Variants in PROM2 observed in about 807,000 individuals in gnomAD.
The protein encoded by PROM2 is prominin-2.
A neutral mutation model predicts 110.2 loss-of-function variants in PROM2; 90 were observed. That is an observed-to-expected ratio of 0.82 (90% confidence interval 0.69 to 0.97). PROM2 has a LOEUF of 0.97. PROM2 is among the 50% of genes least tolerant of loss of function. PROM2 has a pLI of 0.00. For synonymous variants in PROM2, 470 were observed against 467.8 expected, an observed-to-expected ratio of 1.00 and a Z score of -0.06; for missense variants, 1,009 against 1,074.8, an observed-to-expected ratio of 0.94 and a Z score of 0.86.
At position 95,287,512 on chromosome 2, in the gene PROM2, C is replaced by G. The variant is rs374798011; in HGVS notation, c.2244+48C>G. The G allele has an allele frequency of 7.6e-4, 1,209 of 1,586,038 alleles. 1 individual carries two copies. The highest frequency in any genetic ancestry group is 9.6e-4 in the Non-Finnish European group (1,113 of 1,156,022). ...TGACTGATTCCCTGCTCCATCGGAC[C>G]AGCTGTTCACCCTGCTCTGCCCCGC... On this transcript the variant is annotated intron_variant, in intron 20 of 23. Coordinates refer to ENST00000317620, the MANE Select transcript of PROM2 (RefSeq NM_001165978.3).
intron 14 of PROM2, among the ~76,000 whole-genome samples, chr2:95,282,906 C>G (rs1463549249): frequency 6.6e-6 from 1 of 152,188 alleles, no homozygotes; most frequent in Non-Finnish European, 1.5e-5. Flanking sequence ...CCCACATCCC[C>G]TGGCCCTGGT....
intron 6 of PROM2, 126 bp from the exon 7 acceptor site, chr2:95,277,238 T>C (rs561569405): frequency 1.1e-5 from 13 of 1,218,340 alleles, no homozygotes; most frequent in African/African-American, 3.0e-5. Context: ...TGGGGCAGTT[T>C]CCACTGTAGG....
Position 95,288,576 on chromosome 2 carries a change from C to G in PROM2, c.2428C>G (p.Arg810Gly). 1 of 1,613,956 alleles carries G rather than the reference C, an allele frequency of 6.2e-7. No homozygotes were observed. The highest frequency in any genetic ancestry group is 8.5e-7 in the Non-Finnish European group (1 of 1,179,880). ...GACCTCCAAATACTTCCGTCCTATCCGGAAACGCCTCAGGTGAGGGGCTGC... is the reference window on the plus strand; with the variant it reads ...GACCTCCAAATACTTCCGTCCTATCGGGAAACGCCTCAGGTGAGGGGCTGC... Reference protein sequence around the residue: ...VKTSKYFRPIRKRLSSTSSEE... With the variant: ...VKTSKYFRPIGKRLSSTSSEE... The change falls in exon 22 of 24, where the codon CGG (arginine) becomes GGG (glycine). Residue 810 changes from arginine (R) to glycine (G), a missense_variant. Arg to Gly is a moderately radical substitution (Grantham distance 125). Coordinates refer to ENST00000317620, the MANE Select transcript of PROM2 (RefSeq NM_001165978.3).
rs1309379579 is a variant in PROM2 at position 95,279,143 on chromosome 2, A to G, written c.1273A>G (p.Arg425Gly). 2 of 710,040 alleles carry G rather than the reference A, an allele frequency of 2.8e-6. No individual in the cohort carries two copies. The highest frequency in any genetic ancestry group is 4.4e-5 in the African/African-American group (1 of 22,622). 44.0% of individuals were successfully genotyped at this position (710,040 alleles called of 1,614,324 possible). Residue 425 changes from arginine to glycine, a missense_variant and splice_region_variant, in exon 10 of 24, where the codon AGG becomes GGG. Transcript: ENST00000317620. ...GGAGGTGCAGAGATACGAGACCTAC[A>G]GGTGCTGGGCACCGCAGGGTGGGAT... ...LQEVQRYETY[R>G]WIVGCVLCSV...
At chr2:95,279,715 G>C in intron 10 of PROM2, 130 bp from the exon 11 acceptor site, 1 of 668,334 alleles carries the variant, frequency 1.5e-6, no homozygotes, top group Non-Finnish European at 2.2e-6. Context: ...CTCAGGAAGA[G>C]TCTGTATCTG....
At chr2:95,287,082 G>T (rs1309429284) in intron 18 of PROM2, 51 bp from the exon 19 acceptor site, 2 of 1,522,244 alleles carry the variant, frequency 1.3e-6, no homozygotes, top group Non-Finnish European at 9.1e-7. Flanking sequence ...TTGAATTAAT[G>T]AATGGATGCG....
At chr2:95,279,360 G>A (rs1253612753) in intron 10 of PROM2, among the ~76,000 whole-genome samples, 8 of 151,252 alleles carry the variant, frequency 5.3e-5, no homozygotes, top group African/African-American at 1.2e-4. Flanking sequence ...GCAGTGGGGC[G>A]ATCTTGGGTC....
chr2:95,282,091 C>A, intron 13 of PROM2, 51 bp from the exon 14 acceptor site: 1 of 1,598,456 alleles, frequency 6.3e-7, no homozygotes, highest in African/African-American at 1.3e-5. Flanking sequence ...GGGACATCAG[C>A]CCCCCCGCCA....
intron 23 of PROM2, 80 bp downstream of exon 23, chr2:95,289,086 T>G: frequency 8.4e-7 from 1 of 1,191,192 alleles, no homozygotes; most frequent in East Asian, 2.4e-5. Context: ...GGTCTGGGGT[T>G]TCCAGGGCCT....
Position 95,275,458 on chromosome 2 carries a change from T to C in PROM2, c.245-3T>C. The C allele has an allele frequency of 6.2e-7, 1 of 1,612,020 alleles. No individual in the cohort carries two copies. The highest frequency in any genetic ancestry group is 8.5e-7 in the Non-Finnish European group (1 of 1,178,908). ...AAATCCTCAGCTTGGCTCTTTCCCA[T>C]AGAGTTGGTAAAGGCCCTACTGAAT... On this transcript the variant is annotated splice_region_variant and splice_polypyrimidine_tract_variant and intron_variant, in intron 1 of 23. Coordinates refer to ENST00000317620, the MANE Select transcript of PROM2 (RefSeq NM_001165978.3). The surrounding 1 kb of genome is among the most constrained non-coding windows in gnomAD (Gnocchi z 4.4).
intron 7 of PROM2, 141 bp downstream of exon 7, chr2:95,277,707 GCA>G: frequency 1.1e-6 from 1 of 915,256 alleles, no homozygotes; most frequent in Non-Finnish European, 1.6e-6. Flanking sequence ...GGTCATCCTG[GCA>G]GTGGGTGGAG....
chr2:95,281,309 G>A lies in PROM2; in HGVS notation c.1495G>A (p.Gly499Ser). Residue 499 changes from glycine (G) to serine (S), a missense_variant, in exon 12 of 24, where the codon GGT becomes AGT. By Grantham distance (56) the Gly-to-Ser change is moderately conservative. Coordinates refer to ENST00000317620, the MANE Select transcript of PROM2 (RefSeq NM_001165978.3). ...CCTGGTGTTCGCCACCTTCCTGGTG[G>A]GTGGCAACGTGCAGACGCTGGTGTG... ...ILLVFATFLV[G>S]GNVQTLVCQS... 1 of 1,613,356 alleles carries A rather than the reference G, an allele frequency of 6.2e-7. No individual in the cohort carries two copies.
Position 95,275,832 on chromosome 2 carries a change from G to T in PROM2, c.295-98G>T. On this transcript the variant is annotated intron_variant, in intron 2 of 23. Transcript: ENST00000317620. This position sits in a 1 kb window ranked among gnomAD's most constrained non-coding sequence, Gnocchi z 4.4. Reference sequence around the variant, plus strand: ...ATGAGATGCAGGCCATGCCCCTGACGGCACTCCCGCCCCTTCTGGTTTCCC... The same window carrying T: ...ATGAGATGCAGGCCATGCCCCTGACTGCACTCCCGCCCCTTCTGGTTTCCC... 2.0e-6 allele frequency: 3 copies of T among 1,528,364 alleles called. No individual in the cohort carries two copies. Among genetic ancestry groups the T allele is most frequent in the Non-Finnish European group, 1.8e-6 (2 of 1,141,170 alleles). The allele number at this position is 1,528,364 out of a possible 1,614,324, so 94.7% of individuals were successfully genotyped here.
rs1676660030 is a variant in PROM2 at position 95,276,363 on chromosome 2, C to T, written c.618+16C>T. The T allele has an allele frequency of 6.2e-7, 1 of 1,611,826 alleles. No individual in the cohort carries two copies. The highest frequency in any genetic ancestry group is 8.5e-7 in the Non-Finnish European group (1 of 1,179,142). On this transcript the variant is annotated intron_variant, in intron 4 of 23. Coordinates refer to ENST00000317620, the MANE Select transcript of PROM2 (RefSeq NM_001165978.3). This position sits in a 1 kb window ranked among gnomAD's most constrained non-coding sequence, Gnocchi z 4.6. Reference sequence around the variant, plus strand: ...TGTCCCCCAAGTGAGCACTGTTACCCCTCACCCTCATGTGCCCCTGTGAGC... The same window carrying T: ...TGTCCCCCAAGTGAGCACTGTTACCTCTCACCCTCATGTGCCCCTGTGAGC...
Position 95,288,648 on chromosome 2 carries a change from G to A in PROM2, c.2441+59G>A, listed in dbSNP as rs183715948. ...GGGCCAGGGAGGTGTCCTTTCAGCC[G>A]CCAGGGTCCCCTGTCACAGCCCCTC... On this transcript the variant is annotated intron_variant, in intron 22 of 23. Coordinates refer to ENST00000317620, the MANE Select transcript of PROM2 (RefSeq NM_001165978.3). 156 of 1,450,800 alleles carry A rather than the reference G, an allele frequency of 1.1e-4. No homozygotes were observed. In the Admixed American group the frequency reaches 1.3e-3, roughly 12 times the overall value. 89.9% of individuals were successfully genotyped at this position (1,450,800 alleles called of 1,614,324 possible).
chr2:95,278,091 A>G (rs1425427253), intron 8 of PROM2, 87 bp downstream of exon 8: 1 of 1,201,356 alleles, frequency 8.3e-7, no homozygotes, highest in Admixed American at 2.0e-5. Context: ...ACCCAGTTGA[A>G]CCTAATATTT....
At chr2:95,288,154 G>T (rs1677481928) in intron 20 of PROM2, 57 bp from the exon 21 acceptor site, 18 of 1,550,204 alleles carry the variant, frequency 1.2e-5, no homozygotes, top group Admixed American at 1.7e-5. Context: ...TTGAATATGG[G>T]TGTGCGCCTG....
At position 95,291,240 on chromosome 2, in the gene PROM2, C is replaced by G. The variant is rs1284178499; in HGVS notation, c.*2027C>G. 1 of 151,742 alleles carries G rather than the reference C, an allele frequency of 6.6e-6. No homozygotes were observed. The highest frequency in any genetic ancestry group is 2.4e-5 in the African/African-American group (1 of 41,298). 9.4% of individuals were successfully genotyped at this position (151,742 alleles called of 1,614,324 possible). On this transcript the variant is annotated 3_prime_UTR_variant, in exon 24 of 24. Transcript: ENST00000317620. ...TTTTTGCTTGTTACTCATCTGTTGA[C>G]CTACCTGGGGGAAGTAGCACCCTTG...
In PROM2 at chr2:95,291,173, A is replaced by T. The variant is rs570123756; in HGVS notation, c.*1960A>T. 1 of 152,180 alleles carries T rather than the reference A, an allele frequency of 6.6e-6. No individual in the cohort carries two copies. Among genetic ancestry groups the T allele is most frequent in the East Asian group, 1.9e-4 (1 of 5,182 alleles). 9.4% of individuals were successfully genotyped at this position (152,180 alleles called of 1,614,324 possible). ...ATCACTGTCAGATGAGCATGCTTGA[A>T]TGTAGCATGACTGCCTCTTTTTGCT... On this transcript the variant is annotated 3_prime_UTR_variant, in exon 24 of 24. Coordinates refer to ENST00000317620, the MANE Select transcript of PROM2 (RefSeq NM_001165978.3).
Sources: gnomAD v4.1 joint callset for allele counts (sites outside exome capture counted in the v4.1 genomes callset) on GRCh38, gnomAD v4.1.1 for gene constraint, Gnocchi (gnomAD v3.1) non-coding constraint, MANE v1.5 for transcripts, NCBI Gene and HGNC (gene_info 2026-07-23, HGNC 2026-07-21) for gene names.